CLTCL1: variants seen among roughly 807,000 people sequenced by gnomAD.
The protein encoded by CLTCL1 is clathrin heavy chain like 1.
A neutral mutation model predicts 190.0 loss-of-function variants in CLTCL1; 159 were observed. The observed-to-expected ratio is 0.84, with a 90% CI of 0.74 to 0.95. CLTCL1 has a LOEUF of 0.95. CLTCL1 is among the 40% of genes least tolerant of loss of function. CLTCL1 has a pLI of 0.00. For synonymous variants in CLTCL1, 752 were observed against 769.6 expected (o/e 0.98, Z 0.38); for missense variants, 1,878 against 2,033.4 (o/e 0.92, Z 1.47).
chr22:19,222,789 CT>C lies in CLTCL1; in HGVS notation c.2312del (p.Gln771ArgfsTer45), dbSNP rs1569190661. 6.3e-7 allele frequency: 1 copy of C among 1,599,496 alleles called. No individual in the cohort carries two copies. Among genetic ancestry groups the C allele is most frequent in the Non-Finnish European group, 8.5e-7 (1 of 1,173,070 alleles). On this transcript the variant is annotated frameshift_variant, in exon 15 of 33. Coordinates refer to ENST00000427926, the MANE Select transcript of CLTCL1 (RefSeq NM_007098.4). LOFTEE classifies it high-confidence loss of function. ...GATCACACACGATGATGAGGGGAAG[CT>C]GGTCTGTGAGCTTGGCCTCCTGAGG... Reference protein sequence around the residue: ...NFLKEAKLTDQLPLIIVCDRF... With the variant: ...NFLKEAKLTDXLPLIIVCDRF...
At position 19,221,466 on chromosome 22, in the gene CLTCL1, T is replaced by A; in HGVS notation, c.2707A>T (p.Ser903Cys). ...TTCTCACAGTAGCGGCCCACCACGC[T>A]GCTGTCATAGTAGGCATTCTCTCTC... Reference protein sequence around the residue: ...FLRENAYYDSSVVGRYCEKRD... With the variant: ...FLRENAYYDSCVVGRYCEKRD... Residue 903 changes from serine to cysteine, a missense_variant, in exon 17 of 33, where the codon AGC becomes TGC. Ser to Cys is a moderately radical substitution (Grantham distance 112, BLOSUM62 -1). Transcript: ENST00000427926. The A allele has an allele frequency of 6.3e-7, 1 of 1,587,888 alleles. No homozygotes were observed. Among genetic ancestry groups the A allele is most frequent in the Admixed American group, 1.8e-5 (1 of 55,744 alleles).
chr22:19,182,026 C>A (rs1215868541), intron 30 of CLTCL1: 1 of 152,238 alleles, frequency 6.6e-6, no homozygotes, highest in Non-Finnish European at 1.5e-5. Flanking sequence ...CCCACAAGCA[C>A]TTTGACCCCC....
Position 19,232,534 on chromosome 22 carries a change from C to T in CLTCL1, c.1586G>A (p.Gly529Asp), listed in dbSNP as rs1325185413. 1 of 1,613,848 alleles carries T rather than the reference C, an allele frequency of 6.2e-7. No individual in the cohort carries two copies. The highest frequency in any genetic ancestry group is 8.5e-7 in the Non-Finnish European group (1 of 1,179,880). ...CACTAGCATTCGAGAAAACTGCAGG[C>T]CCTGTTCCGGACTGATCTTCATTAC... ...RGVMKISPEQGLQFSRMLVQD... is the reference protein window; with the variant it reads ...RGVMKISPEQDLQFSRMLVQD... The change falls in exon 10 of 33, where the codon GGC becomes GAC. Residue 529 changes from glycine to aspartate, a missense_variant. Gly to Asp is a moderately conservative substitution (Grantham distance 94). Transcript: ENST00000427926.
intron 3 of CLTCL1, among the ~76,000 whole-genome samples, chr22:19,243,991 C>A (rs1447794597): frequency 2.0e-5 from 3 of 152,110 alleles, no homozygotes; most frequent in Non-Finnish European, 2.9e-5. Context: ...GCCACCATGC[C>A]CAGCCAGAAC....
In CLTCL1 at chr22:19,232,505, C is replaced by T; in HGVS notation, c.1615G>A (p.Asp539Asn). 6.2e-7 allele frequency: 1 copy of T among 1,614,010 alleles called. No homozygotes were observed. The highest frequency in any genetic ancestry group is 1.7e-5 in the Admixed American group (1 of 60,032). The change falls in exon 10 of 33, where the codon GAC becomes AAC. Residue 539 changes from aspartate to asparagine, a missense_variant. Asp to Asn is a conservative substitution (Grantham distance 23, BLOSUM62 1). Coordinates refer to ENST00000427926, the MANE Select transcript of CLTCL1 (RefSeq NM_007098.4). The stretch of plus-strand genomic sequence containing the variant: ...CTAATGTTGGCCAGCGGCTCCTCGT[C>T]CTGCACTAGCATTCGAGAAAACTGC... ...GLQFSRMLVQ[D>N]EEPLANISQI...
intron 4 of CLTCL1, among the ~76,000 whole-genome samples, chr22:19,242,131 T>C (rs1039447284): frequency 6.6e-6 from 1 of 151,798 alleles, no homozygotes; most frequent in Admixed American, 6.6e-5. Context: ...TTAATAGAGA[T>C]GGGGTTTCGC....
In CLTCL1 at chr22:19,221,877, G is replaced by A. The variant is rs2085582227; in HGVS notation, c.2561+74C>T. The A allele has an allele frequency of 1.4e-5, 21 of 1,529,894 alleles. No homozygotes were observed. In the South Asian group the frequency reaches 1.9e-4, roughly 14 times the overall value. 94.8% of individuals were successfully genotyped at this position (1,529,894 alleles called of 1,614,324 possible). On this transcript the variant is annotated intron_variant, in intron 16 of 32. Transcript: ENST00000427926. Reference sequence around the variant, plus strand: ...AACGACCAGCTATAGAGACAGTCCTGGAGAATTAGACAGAAACAACAACAG... The same window carrying A: ...AACGACCAGCTATAGAGACAGTCCTAGAGAATTAGACAGAAACAACAACAG...
chr22:19,218,564 G>T (rs964637440), intron 18 of CLTCL1, among the ~76,000 whole-genome samples: 4 of 152,226 alleles, frequency 2.6e-5, no homozygotes, highest in African/African-American at 9.7e-5. Flanking sequence ...GGTCCAGCAG[G>T]TTGGCAATGT....
chr22:19,254,796 AG>A (rs2146092054), intron 2 of CLTCL1, among the ~76,000 whole-genome samples: 1 of 152,352 alleles, frequency 6.6e-6, no homozygotes, highest in Admixed American at 6.5e-5. Context: ...AAGATATTTC[AG>A]GAACTGAATT....
chr22:19,184,626 G>C (rs987026977), intron 29 of CLTCL1: 1 of 452,414 alleles, frequency 2.2e-6, no homozygotes, highest in Non-Finnish European at 4.5e-6. Flanking sequence ...CCGCTCATCT[G>C]TCTCCCTGCC....
intron 3 of CLTCL1, among the ~76,000 whole-genome samples, chr22:19,243,724 G>GTCT (rs1295072605): frequency 1.6e-5 from 2 of 126,010 alleles, no homozygotes; most frequent in African/African-American, 6.1e-5. Flanking sequence ...TTGTGATGGA[G>GTCT]TCTTGCTCTG....
intron 2 of CLTCL1, among the ~76,000 whole-genome samples, chr22:19,256,481 C>T (rs1198412669): frequency 1.3e-5 from 2 of 151,516 alleles, no homozygotes; most frequent in Admixed American, 6.6e-5. Flanking sequence ...CTCAGCCCCC[C>T]GAGTATCAGG....
chr22:19,253,441 G>A (rs2086659241), intron 3 of CLTCL1, among the ~76,000 whole-genome samples: 1 of 152,178 alleles, frequency 6.6e-6, no homozygotes, highest in Non-Finnish European at 1.5e-5. Context: ...GACGCAGTGG[G>A]CAGGATGTCT....
intron 4 of CLTCL1, among the ~76,000 whole-genome samples, chr22:19,241,193 G>A (rs1190284832): frequency 2.6e-5 from 4 of 152,206 alleles, no homozygotes; most frequent in Non-Finnish European, 5.9e-5. Context: ...AAAGCTAGGT[G>A]TAGAGAGAAC....
intron 13 of CLTCL1, among the ~76,000 whole-genome samples, chr22:19,224,848 C>T (rs1391830444): frequency 6.6e-6 from 1 of 152,220 alleles, no homozygotes; most frequent in Non-Finnish European, 1.5e-5. Context: ...GGACACATGG[C>T]AGTGGCTTGA....
chr22:19,273,640 A>T (rs191959701), intron 2 of CLTCL1, among the ~76,000 whole-genome samples: 196 of 152,308 alleles, frequency 1.3e-3, no homozygotes, highest in African/African-American at 4.1e-3. Flanking sequence ...AGCTAAAATG[A>T]GTGACTGCTA....
chr22:19,192,507 G>A (rs1382269597), intron 26 of CLTCL1, among the ~76,000 whole-genome samples: 4 of 152,166 alleles, frequency 2.6e-5, no homozygotes, highest in Admixed American at 6.5e-5. Flanking sequence ...TGGGGGTCCC[G>A]GGATGTGCAC....
chr22:19,262,349 C>T (rs1195066066), intron 2 of CLTCL1, among the ~76,000 whole-genome samples: 2 of 151,192 alleles, frequency 1.3e-5, no homozygotes, highest in Non-Finnish European at 3.0e-5. Context: ...TAAGAAATTG[C>T]CAGCCTGTCG....
At chr22:19,207,913 A>G (rs772268406) in intron 22 of CLTCL1, 63 of 668,962 alleles carry the variant, frequency 9.4e-5, no homozygotes, top group Non-Finnish European at 1.5e-4. Context: ...CTGAGTCTAC[A>G]TTATGGTGAG....
Sources: gnomAD v4.1 joint callset for allele counts (sites outside exome capture counted in the v4.1 genomes callset) on GRCh38, gnomAD v4.1.1 for gene constraint, MANE v1.5 for transcripts, NCBI Gene and HGNC (gene_info 2026-07-23, HGNC 2026-07-21) for gene names.